RBFOX1: variants seen among roughly 807,000 people sequenced by gnomAD.
RBFOX1 encodes the protein RNA binding fox-1 homolog 1, also known as RNA binding protein fox-1 homolog 1.
In RBFOX1, 8 loss-of-function variants were observed where a neutral mutation model predicts 57.7. That is an observed-to-expected ratio of 0.14 (90% CI 0.08 to 0.25). The LOEUF (loss-of-function observed/expected upper bound fraction) is 0.25, where lower values mean the gene tolerates loss of function less well. Among genes scored for constraint, RBFOX1 ranks in the 10% least tolerant of loss-of-function variants. The probability of loss-of-function intolerance (pLI) is 1.00; values close to 1 mark genes in which losing one functional copy is unlikely to be tolerated. For missense variants in RBFOX1, 611 were observed against 548.5 expected (o/e 1.11, Z -1.14); for synonymous variants, 326 against 222.4 (o/e 1.47, Z -4.15).
At chr16:5,420,582 C>G (rs1004746762) in intron 1 of RBFOX1, among the ~76,000 whole-genome samples, 1 of 152,070 alleles carries the variant, frequency 6.6e-6, no homozygotes, top group Non-Finnish European at 1.5e-5. Flanking sequence ...AATCATGGCC[C>G]ACTGCAATCT....
chr16:6,225,696 C>T (rs958335042), intron 1 of RBFOX1, among the ~76,000 whole-genome samples: 3 of 152,180 alleles, frequency 2.0e-5, no homozygotes, highest in African/African-American at 2.4e-5. Flanking sequence ...ACCCTGCTCA[C>T]ACTCTTTTGT....
chr16:6,247,614 T>G (rs1398912791), intron 1 of RBFOX1, among the ~76,000 whole-genome samples: 2 of 152,176 alleles, frequency 1.3e-5, no homozygotes, highest in Non-Finnish European at 2.9e-5. Flanking sequence ...AAAACAACCC[T>G]ACAGGAGTCA....
chr16:5,767,606 G>A lies in RBFOX1; in HGVS notation c.319-99697G>A, dbSNP rs2053832267. On this transcript the variant is annotated intron_variant, in intron 3 of 19. Coordinates refer to the RBFOX1 transcript ENST00000641259. ...CTCCAGCTTCCTGCTTTTGTCACAC[G>A]CCTTCCAAGGACACAACGGGATTTG... is the stretch of plus-strand genomic sequence containing the variant. 2.6e-5 allele frequency among the ~76,000 whole-genome samples: 4 copies of A among 152,140 alleles called. No individual in the cohort carries two copies. The South Asian group carries it at 6.2e-4, about 24-fold the overall frequency.
At chr16:5,549,082 C>T (rs769626225) in intron 2 of RBFOX1, among the ~76,000 whole-genome samples, 16 of 152,206 alleles carry the variant, frequency 1.1e-4, no homozygotes, top group Non-Finnish European at 1.6e-4. Context: ...GAGACATCCT[C>T]GTGGAGGACC....
At chr16:7,275,454 G>T (rs1373655216) in intron 4 of RBFOX1, among the ~76,000 whole-genome samples, 2 of 152,204 alleles carry the variant, frequency 1.3e-5, no homozygotes, top group Admixed American at 6.5e-5. Context: ...ACATAAGTAA[G>T]TAGGGTGTGG....
intron 1 of RBFOX1, among the ~76,000 whole-genome samples, chr16:6,294,029 A>T (rs2077782213): frequency 6.6e-6 from 1 of 152,180 alleles, no homozygotes; most frequent in Non-Finnish European, 1.5e-5. Context: ...CAAAAAGTCA[A>T]ATTTCAACTA....
intron 2 of RBFOX1, among the ~76,000 whole-genome samples, chr16:6,495,101 CG>C (rs2095732076): frequency 6.6e-6 from 1 of 152,122 alleles, no homozygotes; most frequent in African/African-American, 2.4e-5. Context: ...TCAATGTCCC[CG>C]CTTTCTTTTG....
intron 5 of RBFOX1, 114 bp downstream of exon 5, chr16:7,518,503 C>A (rs1389434614): frequency 1.1e-5 from 16 of 1,392,138 alleles, no homozygotes; most frequent in African/African-American, 8.6e-5. Context: ...ACAGATCAGT[C>A]CCTAAGCCCA....
intron 2 of RBFOX1, among the ~76,000 whole-genome samples, chr16:5,579,694 C>T (rs550272470): frequency 6.6e-5 from 10 of 152,174 alleles, no homozygotes; most frequent in South Asian, 6.2e-4. Context: ...TCTTGAAGCT[C>T]GCTTGACTTT....
chr16:6,643,400 C>T (rs1201408769), intron 2 of RBFOX1, among the ~76,000 whole-genome samples: 2 of 141,988 alleles, frequency 1.4e-5, no homozygotes, highest in Admixed American at 1.5e-4. Context: ...TGATTTGAAT[C>T]TTGGTTTTTG....
intron 1 of RBFOX1, among the ~76,000 whole-genome samples, chr16:6,213,771 G>A (rs997425201): frequency 9.2e-5 from 14 of 152,276 alleles, no homozygotes; most frequent in African/African-American, 1.9e-4. Flanking sequence ...GAGCGAAAGC[G>A]CATTCACCAT....
chr16:5,525,205 C>T (rs944060095), intron 2 of RBFOX1, among the ~76,000 whole-genome samples: 8 of 152,110 alleles, frequency 5.3e-5, no homozygotes, highest in Admixed American at 2.6e-4. Flanking sequence ...GTCCAGGGTC[C>T]GGTCTTCATC....
chr16:7,524,492 A>G (rs2078233578), intron 5 of RBFOX1, among the ~76,000 whole-genome samples: 1 of 152,174 alleles, frequency 6.6e-6, no homozygotes, highest in Non-Finnish European at 1.5e-5. Flanking sequence ...TTTACTCTTG[A>G]CATATTATCA....
At chr16:5,984,946 T>TTATG (rs1555462741) in intron 4 of RBFOX1, among the ~76,000 whole-genome samples, 2 of 69,674 alleles carry the variant, frequency 2.9e-5, no homozygotes, top group Non-Finnish European at 4.8e-5. Flanking sequence ...GGCAACTCCA[T>TTATG]TATATATATA....
At chr16:7,311,566 C>A (rs996049495) in intron 4 of RBFOX1, among the ~76,000 whole-genome samples, 9 of 146,492 alleles carry the variant, frequency 6.1e-5, no homozygotes, top group Non-Finnish European at 1.2e-4. Context: ...TAACAAACAT[C>A]CCCGGTTTTT....
chr16:7,291,280 G>C (rs1426757911), intron 4 of RBFOX1, among the ~76,000 whole-genome samples: 1 of 152,154 alleles, frequency 6.6e-6, no homozygotes, highest in Non-Finnish European at 1.5e-5. Flanking sequence ...GACATCCTTA[G>C]TTTTGGGTAT....
At chr16:6,977,567 C>T (rs1304835762) in intron 3 of RBFOX1, among the ~76,000 whole-genome samples, 1 of 152,058 alleles carries the variant, frequency 6.6e-6, no homozygotes, top group Non-Finnish European at 1.5e-5. Context: ...ATTGGACACA[C>T]GTCTGTGGTT....
chr16:7,511,324 G>A (rs545336453), intron 4 of RBFOX1, among the ~76,000 whole-genome samples: 3 of 152,200 alleles, frequency 2.0e-5, no homozygotes, highest in African/African-American at 4.8e-5. Flanking sequence ...AAACCACTCA[G>A]GGCAACGAAT....
At chr16:6,561,570 G>T (rs1038429774) in intron 2 of RBFOX1, among the ~76,000 whole-genome samples, 1 of 152,176 alleles carries the variant, frequency 6.6e-6, no homozygotes, top group African/African-American at 2.4e-5. Context: ...TTAGAAGGGC[G>T]AGGGGTTGTC....
Sources: allele counts gnomAD v4.1 joint callset (sites outside exome capture counted in the v4.1 genomes callset), GRCh38; gene constraint gnomAD v4.1.1; transcripts MANE v1.5; gene names NCBI Gene and HGNC (gene_info 2026-07-23, HGNC 2026-07-21).